The following CCNL1 variants were observed in gnomAD, a reference collection of about 807,000 sequenced individuals.
The protein encoded by CCNL1 is cyclin-L1.
Under a neutral mutation model 60.6 loss-of-function variants are expected in CCNL1, and 13 were observed. That is an observed-to-expected ratio of 0.21 (90% CI 0.14 to 0.34). The LOEUF (loss-of-function observed/expected upper bound fraction) is 0.34. CCNL1 is among the 10% of genes least tolerant of loss of function. The pLI, the probability that CCNL1 is intolerant of heterozygous loss-of-function variation, is 1.00. For synonymous variants in CCNL1, 270 were observed against 244.3 expected (o/e 1.10, Z -0.98); for missense variants, 481 against 664.3 (o/e 0.72, Z 3.03).
chr3:157,154,603 C>A (rs762326939), intron 3 of CCNL1: 1 of 152,124 alleles, frequency 6.6e-6, no homozygotes, highest in Non-Finnish European at 1.5e-5. Context: ...CTTCATTACC[C>A]CTATGGTAAC....
In CCNL1 at chr3:157,157,428, G is replaced by A. The variant is rs376713191; in HGVS notation, c.488+1438C>T. Among the ~76,000 whole-genome samples, 102 of 152,336 alleles carry A rather than the reference G, an allele frequency of 6.7e-4. 3 individuals carry two copies. The South Asian group carries it at 0.021, about 31-fold the overall frequency. On this transcript the variant is annotated intron_variant, in intron 3 of 10. Transcript: ENST00000295926. ...GGAAAATTCCACAGAAGATAATCAT[G>A]TGATTACATAATAGTTGGCTCAATG...
In CCNL1 at chr3:157,147,765, ATAAT is replaced by A. The variant is rs1201749094; in HGVS notation, c.*472_*475del. The A allele has an allele frequency of 4.1e-6, 4 of 980,420 alleles. No homozygotes were observed. In the East Asian group the frequency reaches 4.5e-4, roughly 111 times the overall value. 60.7% of individuals were successfully genotyped at this position (980,420 alleles called of 1,614,324 possible). ...TTTGCTATTAAAATTTTCCTTTTTA[ATAAT>A]TTATTTAAATAAGGTATTTGAAGCA... On this transcript the variant is annotated 3_prime_UTR_variant, in exon 11 of 11. Transcript: ENST00000295926.
chr3:157,151,945 T>C, intron 5 of CCNL1: 1 of 1,314,756 alleles, frequency 7.6e-7, no homozygotes, highest in Non-Finnish European at 9.8e-7. Flanking sequence ...AATTAAAGAG[T>C]AGAAAAAAGA....
downstream of CCNL1, among the ~76,000 whole-genome samples, chr3:157,145,437 C>CAAAAAAA (rs56894231): frequency 2.8e-3 from 69 of 24,250 alleles, 8 homozygotes; most frequent in East Asian, 3.4e-3. Context: ...GACTTCATCT[C>CAAAAAAA]AAAAAAAAAA....
Position 157,159,803 on chromosome 3 carries a change from G to A in CCNL1, c.292C>T (p.Arg98Trp), listed in dbSNP as rs1738944984. The A allele has an allele frequency of 3.9e-6, 6 of 1,537,146 alleles. No homozygotes were observed. The highest frequency in any genetic ancestry group is 5.3e-6 in the Non-Finnish European group (6 of 1,135,742). Reference sequence around the variant, plus strand: ...GCCGGAGCACTGACCTGCGGCAGCCGGAGGAGAATGCCGGCGGCCTGGATG... The same window carrying A: ...GCCGGAGCACTGACCTGCGGCAGCCAGAGGAGAATGCCGGCGGCCTGGATG... Reference protein sequence around the residue: ...ELIQAAGILLRLPQVAMATGQ... With the variant: ...ELIQAAGILLWLPQVAMATGQ... Residue 98 changes from arginine to tryptophan, a missense_variant, in exon 1 of 11, where the codon CGG becomes TGG. Around this residue, in one of 5 missense-constraint regions of CCNL1, gnomAD observed 130 missense variants for 174.5 expected, o/e 0.75. Coordinates refer to ENST00000295926, the MANE Select transcript of CCNL1 (RefSeq NM_020307.4).
In CCNL1 at chr3:157,149,929, A is replaced by G; in HGVS notation, c.928T>C (p.Leu310=). 3 of 1,614,040 alleles carry G rather than the reference A, an allele frequency of 1.9e-6. No homozygotes were observed. The highest frequency in any genetic ancestry group is 8.5e-7 in the Non-Finnish European group (1 of 1,179,972). ...EKEVEKRKVA[L]QEAKLKAKGL... is the part of the protein sequence containing the mutation. ...TTTGCTTTTAATTTGGCTTCTTGTA[A>G]GGCTACTTTTCTTTTTTCTACTTCT... The change falls in exon 8 of 11, where the codon TTA becomes CTA. Residue 310 remains leucine, a synonymous_variant. Coordinates refer to ENST00000295926, the MANE Select transcript of CCNL1 (RefSeq NM_020307.4).
In CCNL1 at chr3:157,158,859, A is replaced by G. The variant is rs1410701715; in HGVS notation, c.488+7T>C. ...AGAGATACTATGTTCAATAATGCCAATCTTACCTTTTTCCTCTTAACTGGC... is the reference window on the plus strand; with the variant it reads ...AGAGATACTATGTTCAATAATGCCAGTCTTACCTTTTTCCTCTTAACTGGC... On this transcript the variant is annotated splice_region_variant and intron_variant, in intron 3 of 10. Coordinates refer to ENST00000295926, the MANE Select transcript of CCNL1 (RefSeq NM_020307.4). 1.9e-6 allele frequency: 3 copies of G among 1,566,364 alleles called. No individual in the cohort carries two copies. The Admixed American group carries it at 5.0e-5, about 26-fold the overall frequency.
chr3:157,145,910 C>T (rs1003270857), downstream of CCNL1, among the ~76,000 whole-genome samples: 3 of 152,086 alleles, frequency 2.0e-5, no homozygotes, highest in African/African-American at 4.8e-5. Flanking sequence ...TGGTTAAAGC[C>T]GATGCAACAT....
Position 157,148,011 on chromosome 3 carries a change from C to T in CCNL1, c.*230G>A, listed in dbSNP as rs11546246. ...AACAATACACAACTATAATAAAGTACAATTGAACCTGACCATGGTTTTTAA... is the reference window on the plus strand; with the variant it reads ...AACAATACACAACTATAATAAAGTATAATTGAACCTGACCATGGTTTTTAA... On this transcript the variant is annotated 3_prime_UTR_variant, in exon 11 of 11. Coordinates refer to ENST00000295926, the MANE Select transcript of CCNL1 (RefSeq NM_020307.4). 16 of 1,297,560 alleles carry T rather than the reference C, an allele frequency of 1.2e-5. No homozygotes were observed. Among genetic ancestry groups the T allele is most frequent in the Non-Finnish European group, 1.5e-5 (15 of 1,025,470 alleles). The allele number at this position is 1,297,560 out of a possible 1,614,324, so 80.4% of individuals were successfully genotyped here.
chr3:157,144,939 G>A (rs1737737458), downstream of CCNL1, among the ~76,000 whole-genome samples: 1 of 152,252 alleles, frequency 6.6e-6, no homozygotes, highest in African/African-American at 2.4e-5. Context: ...TGCAGACTGT[G>A]GTGTTAATAA....
rs118144837 is a variant in CCNL1, at chr3:157,148,169, T to C, written c.*72A>G. ...CCTAATCAGTTTGCGTTTAATGTTT[T>C]TGATTGAGTCCATACATCACACTGT... On this transcript the variant is annotated 3_prime_UTR_variant, in exon 11 of 11. Transcript: ENST00000295926. The C allele has an allele frequency of 1.5e-3, 2,313 of 1,525,480 alleles. 38 individuals are homozygous for C. The East Asian group carries it at 0.035, about 23-fold the overall frequency. 94.5% of individuals were successfully genotyped at this position (1,525,480 alleles called of 1,614,324 possible). A position where few individuals can be genotyped will look rare whatever the true frequency, so the allele number is the denominator to read the frequency against.
chr3:157,146,185 T>C (rs1737777628), downstream of CCNL1, among the ~76,000 whole-genome samples: 1 of 152,094 alleles, frequency 6.6e-6, no homozygotes, highest in Non-Finnish European at 1.5e-5. Context: ...TAAACAGGTA[T>C]TATTGGTATT....
downstream of CCNL1, chr3:157,146,520 G>T (rs1054759968): frequency 1.1e-5 from 5 of 448,276 alleles, no homozygotes; most frequent in Non-Finnish European, 2.2e-5. Flanking sequence ...ACACTATTAA[G>T]AATTTAATAC....
At chr3:157,155,155 CTT>C (rs924752487) in intron 3 of CCNL1, among the ~76,000 whole-genome samples, 2 of 152,150 alleles carry the variant, frequency 1.3e-5, no homozygotes, top group Middle Eastern at 3.2e-3. Flanking sequence ...CATTTTAACT[CTT>C]AACCCCTTGC....
chr3:157,154,219 T>A (rs1738415588), intron 3 of CCNL1: 2 of 152,190 alleles, frequency 1.3e-5, no homozygotes, highest in Non-Finnish European at 1.5e-5. Context: ...TCAAAACTGG[T>A]TTCTTCCTGA....
Position 157,159,821 on chromosome 3 carries a change from C to T in CCNL1, c.274G>A (p.Ala92Thr), listed in dbSNP as rs1470265878. 1.3e-6 allele frequency: 2 copies of T among 1,541,990 alleles called. No homozygotes were observed. Among genetic ancestry groups the T allele is most frequent in the Non-Finnish European group, 1.8e-6 (2 of 1,139,084 alleles). Residue 92 changes from alanine to threonine, a missense_variant, in exon 1 of 11, where the codon GCC becomes ACC. By Grantham distance (58) the Ala-to-Thr change is moderately conservative. Transcript: ENST00000295926. ...GGCAGCCGGAGGAGAATGCCGGCGG[C>T]CTGGATGAGCTCGCAGCCCAGGATG... ...LRILGCELIQ[A>T]AGILLRLPQV... is the part of the protein sequence containing the mutation.
chr3:157,155,984 T>C (rs1738591963), intron 3 of CCNL1, among the ~76,000 whole-genome samples: 1 of 152,240 alleles, frequency 6.6e-6, no homozygotes, highest in East Asian at 1.9e-4. Flanking sequence ...TAGAAAATCC[T>C]GGTCTTTGGT....
At chr3:157,145,437 CAAAAAAAAA>C (rs56894231), downstream of CCNL1, among the ~76,000 whole-genome samples, 41 of 24,266 alleles carry the variant, frequency 1.7e-3, no homozygotes, top group East Asian at 0.017. Context: ...GACTTCATCT[CAAAAAAAAA>C]AAAAAAAAAA....
chr3:157,144,020 A>G (rs1468696569), downstream of CCNL1, among the ~76,000 whole-genome samples: 1 of 152,174 alleles, frequency 6.6e-6, no homozygotes, highest in Non-Finnish European at 1.5e-5. Context: ...CACCTACCAG[A>G]AAAGTGATAG....
Sources: allele counts gnomAD v4.1 joint callset (sites outside exome capture counted in the v4.1 genomes callset), GRCh38; gene constraint gnomAD v4.1.1; regional missense constraint gnomAD v4.1.1; transcripts MANE v1.5; gene names NCBI Gene and HGNC (gene_info 2026-07-23, HGNC 2026-07-21).